The following ROBO1 variants were observed in gnomAD, a reference collection of about 807,000 sequenced individuals.
The protein encoded by ROBO1 is roundabout guidance receptor 1.
ROBO1 carries 149 observed loss-of-function variants against 195.9 expected under a neutral mutation model. That is an observed-to-expected ratio of 0.76 (90% confidence interval 0.67 to 0.87). The LOEUF is 0.87. Ranked by LOEUF, ROBO1 falls within the 40% of genes least tolerant of loss-of-function variation. ROBO1 has a pLI of 0.00. For synonymous variants in ROBO1, 816 were observed against 733.2 expected, an observed-to-expected ratio of 1.11 and a Z score of -1.82; for missense variants, 1,933 against 2,068.3, an observed-to-expected ratio of 0.93 and a Z score of 1.27.
chr3:79,307,827 T>C (rs1325295434), intron 2 of ROBO1, among the ~76,000 whole-genome samples: 1 of 152,102 alleles, frequency 6.6e-6, no homozygotes, highest in Non-Finnish European at 1.5e-5. Context: ...GTAATGCCTA[T>C]TTGGTATGAA....
intron 2 of ROBO1, among the ~76,000 whole-genome samples, chr3:79,351,368 T>A (rs947781787): frequency 5.3e-5 from 8 of 152,178 alleles, no homozygotes; most frequent in African/African-American, 1.7e-4. Flanking sequence ...ATTATATAAA[T>A]TGTTATTCTT....
intron 1 of ROBO1, among the ~76,000 whole-genome samples, chr3:79,753,271 C>G (rs1459988600): frequency 6.7e-6 from 1 of 150,070 alleles, no homozygotes; most frequent in Non-Finnish European, 1.5e-5. Context: ...GATTGGGGTG[C>G]AAACTGGATA....
At chr3:79,288,087 T>C (rs1164918999) in intron 2 of ROBO1, among the ~76,000 whole-genome samples, 1 of 152,152 alleles carries the variant, frequency 6.6e-6, no homozygotes, top group Non-Finnish European at 1.5e-5. Context: ...ATTTTTAAGA[T>C]TCCTAAGTAT....
rs564502633 is a variant in ROBO1 at position 79,236,390 on chromosome 3, T to A, written c.89-110851A>T. ...TTACCAATGGTTTCTTGTTGTTAAA[T>A]CCCAAATGAACAAGGGCATTTTGTA... On this transcript the variant is annotated intron_variant, in intron 2 of 30. Transcript: ENST00000464233. 1.7e-4 allele frequency among the ~76,000 whole-genome samples: 26 copies of A among 152,252 alleles called. No homozygotes were observed. The South Asian group carries it at 5.2e-3, about 30-fold the overall frequency.
chr3:79,176,233 T>C (rs962979099), intron 2 of ROBO1, among the ~76,000 whole-genome samples: 1 of 152,218 alleles, frequency 6.6e-6, no homozygotes, highest in African/African-American at 2.4e-5. Context: ...TTCCCTGATG[T>C]GTATTTGTCA....
At chr3:79,230,764 C>T (rs1330175774) in intron 2 of ROBO1, among the ~76,000 whole-genome samples, 5 of 152,048 alleles carry the variant, frequency 3.3e-5, no homozygotes, top group Non-Finnish European at 1.5e-5. Context: ...ACCCTGAATG[C>T]AATCCTAAGC....
chr3:78,668,607 A>C (rs1248348465), intron 11 of ROBO1, 42 bp from the exon 12 acceptor site: 1 of 1,587,942 alleles, frequency 6.3e-7, no homozygotes, highest in African/African-American at 1.3e-5. Flanking sequence ...AAAAATCAAG[A>C]ACTCACTGGG....
At chr3:79,661,471 TCAAATTA>T (rs1326532705) in intron 1 of ROBO1, among the ~76,000 whole-genome samples, 1 of 152,106 alleles carries the variant, frequency 6.6e-6, no homozygotes, top group Non-Finnish European at 1.5e-5. Flanking sequence ...TTCTGCCCAT[TCAAATTA>T]ACAGATACTG....
intron 2 of ROBO1, among the ~76,000 whole-genome samples, chr3:79,372,793 T>C (rs995873589): frequency 6.6e-6 from 1 of 152,194 alleles, no homozygotes; most frequent in Non-Finnish European, 1.5e-5. Flanking sequence ...ATTAATGTGT[T>C]AGCTATAGCA....
At chr3:79,269,152 G>A (rs1471607511) in intron 2 of ROBO1, among the ~76,000 whole-genome samples, 1 of 151,562 alleles carries the variant, frequency 6.6e-6, no homozygotes, top group East Asian at 1.9e-4. Flanking sequence ...ACATGTGTTT[G>A]CAGTATTTAA....
chr3:79,634,326 C>G (rs1945433729), intron 1 of ROBO1, among the ~76,000 whole-genome samples: 1 of 152,158 alleles, frequency 6.6e-6, no homozygotes, highest in African/African-American at 2.4e-5. Flanking sequence ...GCAGAATTGA[C>G]CAGCACCATG....
chr3:79,160,916 C>A (rs879311175), intron 2 of ROBO1, among the ~76,000 whole-genome samples: 4 of 152,018 alleles, frequency 2.6e-5, no homozygotes, highest in Non-Finnish European at 4.4e-5. Flanking sequence ...TTTTACTATG[C>A]ACGTAAAGAG....
chr3:79,423,071 A>T (rs1361098322), intron 2 of ROBO1, among the ~76,000 whole-genome samples: 1 of 152,166 alleles, frequency 6.6e-6, no homozygotes, highest in Non-Finnish European at 1.5e-5. Flanking sequence ...CATGGATTAT[A>T]ATGGGATACT....
intron 2 of ROBO1, among the ~76,000 whole-genome samples, chr3:79,522,939 G>T (rs1206307727): frequency 6.6e-6 from 1 of 152,068 alleles, no homozygotes; most frequent in East Asian, 1.9e-4. Context: ...TGTTTTTGAG[G>T]ACTATTTCTC....
intron 2 of ROBO1, among the ~76,000 whole-genome samples, chr3:79,332,391 A>T (rs918812846): frequency 6.6e-6 from 1 of 152,180 alleles, no homozygotes; most frequent in Non-Finnish European, 1.5e-5. Flanking sequence ...TATCACAAAC[A>T]TAAAAATTCT....
rs140692647 is a variant in ROBO1 at position 79,144,837 on chromosome 3, C to T, written c.89-19298G>A. On this transcript the variant is annotated intron_variant, in intron 2 of 30. Transcript: ENST00000464233. ...AGATCCATCAGACGGAAATCTGTTACGTTGCCACTGTGAATAGCAATGTAT... is the reference window on the plus strand; with the variant it reads ...AGATCCATCAGACGGAAATCTGTTATGTTGCCACTGTGAATAGCAATGTAT... Among the ~76,000 whole-genome samples the T allele has an allele frequency of 4.4e-3, 662 of 151,962 alleles. 5 individuals are homozygous for T. Among genetic ancestry groups the T allele is most frequent in the African/African-American group, 0.015 (633 of 41,508 alleles).
chr3:78,667,584 C>G (rs1480670867), intron 14 of ROBO1, among the ~76,000 whole-genome samples: 1 of 152,042 alleles, frequency 6.6e-6, no homozygotes, highest in Non-Finnish European at 1.5e-5. Context: ...TTCCCAGCCT[C>G]TGGTAACCAT....
At chr3:79,412,874 A>ATTTT (rs1167482550) in intron 2 of ROBO1, among the ~76,000 whole-genome samples, 669 of 38,314 alleles carry the variant, frequency 0.017, 122 homozygotes, top group African/African-American at 0.029. Context: ...TCATGAGCTG[A>ATTTT]TTTTTTTTTT....
At chr3:79,020,853 G>A (rs552592221) in intron 3 of ROBO1, among the ~76,000 whole-genome samples, 1 of 152,282 alleles carries the variant, frequency 6.6e-6, no homozygotes, top group Admixed American at 6.5e-5. Context: ...GCTTTCGGTG[G>A]TTGCCTCTGG....
Sources: gnomAD v4.1 joint callset for allele counts (sites outside exome capture counted in the v4.1 genomes callset) on GRCh38, gnomAD v4.1.1 for gene constraint, MANE v1.5 for transcripts, NCBI Gene and HGNC (gene_info 2026-07-23, HGNC 2026-07-21) for gene names.